The following CACNA1A variants were observed in gnomAD, a reference collection of about 807,000 sequenced individuals.
CACNA1A encodes the protein voltage-dependent P/Q-type calcium channel subunit alpha-1A.
A neutral mutation model predicts 262.4 loss-of-function variants in CACNA1A; 57 were observed. The ratio of observed to expected loss-of-function variants is 0.22; its 90% CI spans 0.18 to 0.27. The LOEUF (loss-of-function observed/expected upper bound fraction) is 0.27. Ranked by LOEUF, CACNA1A falls within the 10% of genes least tolerant of loss-of-function variation. The probability of loss-of-function intolerance (pLI) is 1.00; values close to 1 mark genes in which losing one functional copy is unlikely to be tolerated. For missense variants in CACNA1A, 2,526 were observed against 3,562.8 expected (o/e 0.71, Z 7.41); for synonymous variants, 1,431 against 1,419.3 (o/e 1.01, Z -0.18).
rs796382641 is a variant in CACNA1A at position 13,483,055 on chromosome 19, C to T, written c.293+22877G>A. Among the ~76,000 whole-genome samples the T allele has an allele frequency of 1.7e-4, 26 of 152,190 alleles. No individual in the cohort carries two copies. The South Asian group carries it at 2.5e-3, about 15-fold the overall frequency. On this transcript the variant is annotated intron_variant, in intron 1 of 46. Transcript: ENST00000360228. ...CTGTGTCTTCCGTTTCCTACTGGGACCCTCTCTCATACACCATGGGATGAA... is the reference window on the plus strand; with the variant it reads ...CTGTGTCTTCCGTTTCCTACTGGGATCCTCTCTCATACACCATGGGATGAA...
chr19:13,227,424 A>G lies in CACNA1A; in HGVS notation c.5625+7T>C. 1 of 1,558,052 alleles carries G rather than the reference A, an allele frequency of 6.4e-7. No individual in the cohort carries two copies. The highest frequency in any genetic ancestry group is 8.8e-7 in the Non-Finnish European group (1 of 1,139,182). On this transcript the variant is annotated splice_region_variant and intron_variant, in intron 37 of 46. Coordinates refer to ENST00000360228, the MANE Select transcript of CACNA1A (RefSeq NM_001127222.2). ...CTGGACGTCGGTGGTCGGCAAGGGT[A>G]GTCTACCTTGTAAGCCACTCTGGCC...
chr19:13,223,551 G>T (rs2055316381), intron 38 of CACNA1A, among the ~76,000 whole-genome samples: 1 of 152,120 alleles, frequency 6.6e-6, no homozygotes. Flanking sequence ...CCCCACACTG[G>T]CCTCCTTTCG....
chr19:13,377,729 G>T (rs531588613), intron 3 of CACNA1A, among the ~76,000 whole-genome samples: 1 of 152,238 alleles, frequency 6.6e-6, no homozygotes, highest in Non-Finnish European at 1.5e-5. Context: ...TGATTTAAGG[G>T]ATACATTTCA....
chr19:13,480,338 TAATG>T (rs2145077605), intron 1 of CACNA1A, among the ~76,000 whole-genome samples: 1 of 152,362 alleles, frequency 6.6e-6, no homozygotes, highest in African/African-American at 2.4e-5. Flanking sequence ...CCTTTCCAAT[TAATG>T]AATAGTAAAT....
At position 13,294,487 on chromosome 19, in the gene CACNA1A, C is replaced by CTTTTTTTTTTTTTTTTTTTT. The variant is rs780908964; in HGVS notation, c.3089+4037_3089+4056dup. Among the ~76,000 whole-genome samples the CTTTTTTTTTTTTTTTTTTTT allele has an allele frequency of 4.0e-4, 29 of 72,520 alleles. 2 individuals are homozygous for CTTTTTTTTTTTTTTTTTTTT. The highest frequency in any genetic ancestry group is 1.1e-3 in the South Asian group (2 of 1,892). 47.6% of individuals were successfully genotyped at this position (72,520 alleles called of 152,430 possible). Reference sequence around the variant, plus strand: ...TACAGGTGCATACCACTGTACCTGGCTTTTTTTTTTTTTTTTTTTTTTTGA... The same window carrying CTTTTTTTTTTTTTTTTTTTT: ...TACAGGTGCATACCACTGTACCTGGCTTTTTTTTTTTTTTTTTTTTTTTTTTTTTTTTTTTTTTTTTTTGA... On this transcript the variant is annotated intron_variant, in intron 19 of 46. Transcript: ENST00000360228.
intron 34 of CACNA1A, among the ~76,000 whole-genome samples, chr19:13,234,215 T>A (rs1485914437): frequency 6.6e-6 from 1 of 150,680 alleles, no homozygotes; most frequent in Non-Finnish European, 1.5e-5. Context: ...CTGGGCGTGG[T>A]GGCGGGCGCC....
intron 1 of CACNA1A, among the ~76,000 whole-genome samples, chr19:13,469,713 C>A (rs964133094): frequency 6.6e-6 from 1 of 151,080 alleles, no homozygotes; most frequent in Non-Finnish European, 1.5e-5. Flanking sequence ...CCCGCCTCGG[C>A]TCCCCAAAGT....
At chr19:13,271,704 T>C (rs1253245915) in intron 24 of CACNA1A, 3 of 151,774 alleles carry the variant, frequency 2.0e-5, no homozygotes, top group Middle Eastern at 3.5e-3. Context: ...TGTAGGTCAT[T>C]CCCCTCCCTA....
intron 6 of CACNA1A, among the ~76,000 whole-genome samples, chr19:13,356,438 C>T (rs559500546): frequency 6.6e-6 from 1 of 152,298 alleles, no homozygotes; most frequent in South Asian, 2.1e-4. Flanking sequence ...CAGGCTGACA[C>T]CTGAGTCTCT....
Position 13,285,114 on chromosome 19 carries a change from G to A in CACNA1A, c.3646C>T (p.Pro1216Ser). The part of the protein sequence containing the change: ...EDDRGEDGPK[P>S]MPPYSSMFIL... Reference sequence around the variant, plus strand: ...AACATGGAGCTATAGGGAGGCATTGGCTTAGGGCCGTCTTCCCCACGGTCG... The same window carrying A: ...AACATGGAGCTATAGGGAGGCATTGACTTAGGGCCGTCTTCCCCACGGTCG... The change falls in exon 21 of 47, where the codon CCA becomes TCA. Residue 1216 changes from proline (P) to serine (S), a missense_variant. Transcript: ENST00000360228. 1.2e-6 allele frequency: 2 copies of A among 1,613,952 alleles called. No individual in the cohort carries two copies. The highest frequency in any genetic ancestry group is 2.7e-5 in the African/African-American group (2 of 75,034).
rs896854918 is a variant in CACNA1A at position 13,214,450 on chromosome 19, C to T, written c.5839+51G>A. 2.6e-6 allele frequency: 4 copies of T among 1,557,992 alleles called. No homozygotes were observed. The highest frequency in any genetic ancestry group is 2.7e-5 in the African/African-American group (2 of 73,808). The stretch of plus-strand genomic sequence containing the variant: ...CTCCCCAGGCCTCCCCTTTCCCTCC[C>T]CCTCCATCTGTCCTGGTGGATTGGA... On this transcript the variant is annotated intron_variant, in intron 39 of 46. Coordinates refer to ENST00000360228, the MANE Select transcript of CACNA1A (RefSeq NM_001127222.2). The surrounding 1 kb of genome is among the most constrained non-coding windows in gnomAD (Gnocchi z 4.1).
At chr19:13,401,434 T>C (rs947968187) in intron 3 of CACNA1A, among the ~76,000 whole-genome samples, 2 of 152,192 alleles carry the variant, frequency 1.3e-5, no homozygotes, top group Non-Finnish European at 2.9e-5. Flanking sequence ...CAGTGCCTGA[T>C]ACATAGTTGA....
At chr19:13,343,301 T>A (rs556859300) in intron 6 of CACNA1A, among the ~76,000 whole-genome samples, 25 of 151,812 alleles carry the variant, frequency 1.6e-4, no homozygotes, top group African/African-American at 5.3e-4. Context: ...TTGTATTTTT[T>A]AAAATAGAGA....
intron 20 of CACNA1A, among the ~76,000 whole-genome samples, chr19:13,285,952 ATTTTTTT>A (rs74181819): frequency 6.3e-5 from 6 of 95,808 alleles, no homozygotes; most frequent in African/African-American, 2.1e-4. Flanking sequence ...GCAGTTCACC[ATTTTTTT>A]TTTTTTTTTT....
chr19:13,394,362 G>C (rs2059773432), intron 3 of CACNA1A, among the ~76,000 whole-genome samples: 1 of 149,818 alleles, frequency 6.7e-6, no homozygotes, highest in Admixed American at 6.6e-5. Context: ...AGGGTAAAAA[G>C]GAAAAAAACA....
chr19:13,503,880 C>T (rs1469689698), intron 1 of CACNA1A, among the ~76,000 whole-genome samples: 1 of 152,120 alleles, frequency 6.6e-6, no homozygotes, highest in Non-Finnish European at 1.5e-5. Flanking sequence ...GCAAGCAACA[C>T]TCGCAATTCA....
intron 1 of CACNA1A, among the ~76,000 whole-genome samples, chr19:13,455,950 G>C (rs1056392728): frequency 6.6e-6 from 1 of 151,000 alleles, no homozygotes; most frequent in African/African-American, 2.4e-5. Context: ...AGGACTTTGA[G>C]ACCAGCCTGG....
intron 3 of CACNA1A, among the ~76,000 whole-genome samples, chr19:13,387,770 A>G (rs2059640930): frequency 6.6e-6 from 1 of 152,208 alleles, no homozygotes; most frequent in Non-Finnish European, 1.5e-5. Flanking sequence ...GGCAGAGGAC[A>G]GGAGTTTGAG....
chr19:13,213,867 T>C (rs748273279), intron 40 of CACNA1A: 40 of 167,722 alleles, frequency 2.4e-4, no homozygotes, highest in Non-Finnish European at 4.5e-4. Context: ...TTTTTTTTTG[T>C]AGAGATATGG....
Sources: allele counts gnomAD v4.1 joint callset (sites outside exome capture counted in the v4.1 genomes callset), GRCh38; gene constraint gnomAD v4.1.1; non-coding constraint Gnocchi (gnomAD v3.1); transcripts MANE v1.5; gene names NCBI Gene and HGNC (gene_info 2026-07-23, HGNC 2026-07-21).